The following PSMD9 variants were observed in gnomAD, a reference collection of about 807,000 sequenced individuals.
PSMD9 encodes 26S proteasome non-ATPase regulatory subunit 9.
In PSMD9, 26 loss-of-function variants were observed where a neutral mutation model predicts 25.9. That is an observed-to-expected ratio of 1.00 (90% confidence interval 0.73 to 1.39). PSMD9 has a LOEUF of 1.39. Among genes scored for constraint, PSMD9 ranks in the 40% most tolerant of loss-of-function variants. The pLI is 0.00. For synonymous variants in PSMD9, 110 were observed against 114.5 expected (o/e 0.96, Z 0.25); for missense variants, 303 against 299.3 (o/e 1.01, Z -0.09).
chr12:121,913,221 GGC>G (rs1565896127), intron 4 of PSMD9, among the ~76,000 whole-genome samples: 44 of 152,028 alleles, frequency 2.9e-4, no homozygotes, highest in Admixed American at 2.3e-3. Context: ...TGGGATTACA[GGC>G]GTGAGCCACC....
rs532639209 is a variant in PSMD9, at chr12:121,912,093, G to A, written c.556-3763G>A. On this transcript the variant is annotated intron_variant, in intron 4 of 5. Transcript: ENST00000541212. Reference sequence around the variant, plus strand: ...GGTTCTCTGTTGCCAAGGCTGGAGTGCAGTGGTGTGATCTTGGCTCACTGC... The same window carrying A: ...GGTTCTCTGTTGCCAAGGCTGGAGTACAGTGGTGTGATCTTGGCTCACTGC... Among the ~76,000 whole-genome samples the A allele has an allele frequency of 3.2e-4, 48 of 151,684 alleles. No individual in the cohort carries two copies. In the Middle Eastern group the frequency reaches 0.01, roughly 32 times the overall value.
intron 3 of PSMD9, 103 bp downstream of exon 3, chr12:121,899,948 T>C: frequency 7.7e-7 from 1 of 1,306,774 alleles, no homozygotes; most frequent in Non-Finnish European, 1.1e-6. Flanking sequence ...CGTGCTGCGG[T>C]GCTGAGTTCA....
chr12:121,915,324 CAAA>C (rs36112373), intron 4 of PSMD9: 27 of 133,428 alleles, frequency 2.0e-4, no homozygotes, highest in Non-Finnish European at 1.6e-4. Flanking sequence ...GACTGTGTCT[CAAA>C]AAAAAAAAAA....
At position 121,918,035 on chromosome 12, in the gene PSMD9, G is replaced by T. The variant is rs1311408685; in HGVS notation, c.*1724G>T. ...CCTGCAGGGGTCCCAGTGGAAACCC[G>T]TGTGGCCACCTGTTGCCGTCTTCCA... On this transcript the variant is annotated 3_prime_UTR_variant, in exon 6 of 6. Coordinates refer to ENST00000541212, the MANE Select transcript of PSMD9 (RefSeq NM_002813.7). The surrounding 1 kb of genome is among the most constrained non-coding windows in gnomAD (Gnocchi z 4.3). The T allele has an allele frequency of 6.6e-6, 1 of 152,184 alleles. No individual in the cohort carries two copies. Among genetic ancestry groups the T allele is most frequent in the South Asian group, 2.1e-4 (1 of 4,832 alleles). The allele number at this position is 152,184 out of a possible 1,614,324, so 9.4% of individuals were successfully genotyped here.
At chr12:121,905,764 T>A (rs1879537732) in intron 4 of PSMD9, among the ~76,000 whole-genome samples, 1 of 151,568 alleles carries the variant, frequency 6.6e-6, no homozygotes, top group South Asian at 2.1e-4. Flanking sequence ...ACTCCTAACC[T>A]CAGGTGATCC....
At chr12:121,890,865 T>C (rs1270050392) in intron 1 of PSMD9, among the ~76,000 whole-genome samples, 1 of 152,092 alleles carries the variant, frequency 6.6e-6, no homozygotes, top group Admixed American at 6.6e-5. Flanking sequence ...GCTTTGCATG[T>C]TGATACGGCA....
chr12:121,902,099 T>C (rs993877722), intron 3 of PSMD9: 1 of 152,266 alleles, frequency 6.6e-6, no homozygotes, highest in African/African-American at 2.4e-5. Context: ...TTACGAAGCA[T>C]GTTGCTGCGA....
At chr12:121,915,534 T>C (rs1013686857) in intron 4 of PSMD9, 3 of 279,374 alleles carry the variant, frequency 1.1e-5, no homozygotes, top group Middle Eastern at 2.1e-3. Context: ...ATACTTTTTG[T>C]AGAGTGCTGG....
intron 4 of PSMD9, among the ~76,000 whole-genome samples, chr12:121,913,565 C>T (rs1440394138): frequency 2.0e-5 from 3 of 150,514 alleles, no homozygotes; most frequent in Non-Finnish European, 4.4e-5. Flanking sequence ...ATTCATGGCT[C>T]ACTGCAGCCT....
chr12:121,906,044 G>A (rs1879545341), intron 4 of PSMD9, among the ~76,000 whole-genome samples: 1 of 150,280 alleles, frequency 6.7e-6, no homozygotes, highest in South Asian at 2.1e-4. Flanking sequence ...TGAGACTTCT[G>A]TCTGTTGTGT....
chr12:121,892,517 G>A (rs1353695652), intron 1 of PSMD9, among the ~76,000 whole-genome samples: 4 of 152,068 alleles, frequency 2.6e-5, no homozygotes, highest in Admixed American at 6.6e-5. Flanking sequence ...TGGTTAACAC[G>A]GTGAAACCCC....
chr12:121,906,388 T>C (rs1428875663), intron 4 of PSMD9, among the ~76,000 whole-genome samples: 1 of 151,996 alleles, frequency 6.6e-6, no homozygotes, highest in East Asian at 1.9e-4. Context: ...AAAAAAACCT[T>C]GCATAGCACA....
intron 4 of PSMD9, among the ~76,000 whole-genome samples, 191 bp downstream of exon 4, chr12:121,903,298 T>C (rs992491594): frequency 2.0e-5 from 3 of 152,200 alleles, no homozygotes; most frequent in Admixed American, 1.3e-4. Flanking sequence ...GCCTTCTTGC[T>C]GTGTCCTCAC....
At chr12:121,909,863 G>A (rs535172421) in intron 4 of PSMD9, among the ~76,000 whole-genome samples, 2 of 152,190 alleles carry the variant, frequency 1.3e-5, no homozygotes, top group South Asian at 4.2e-4. Flanking sequence ...GTCCTTGCCT[G>A]TGGGAGAATT....
intron 4 of PSMD9, among the ~76,000 whole-genome samples, chr12:121,912,389 A>C (rs756673628): frequency 6.6e-6 from 1 of 151,998 alleles, no homozygotes; most frequent in Non-Finnish European, 1.5e-5. Flanking sequence ...GCACCGTTTC[A>C]CATTCCCACC....
intron 1 of PSMD9, 134 bp from the exon 2 acceptor site, chr12:121,894,605 G>A (rs1879177870): frequency 5.5e-6 from 4 of 720,772 alleles, no homozygotes; most frequent in Middle Eastern, 5.0e-4. Context: ...AGAGCCCCTG[G>A]TGTAAGTGAT....
chr12:121,895,653 G>A (rs539822400), intron 2 of PSMD9, among the ~76,000 whole-genome samples: 6 of 152,258 alleles, frequency 3.9e-5, no homozygotes, highest in African/African-American at 1.2e-4. Flanking sequence ...GCCAGCAGTC[G>A]CATTTCCCTC....
chr12:121,889,567 C>T (rs1592937646), intron 1 of PSMD9, among the ~76,000 whole-genome samples: 1 of 152,136 alleles, frequency 6.6e-6, no homozygotes, highest in South Asian at 2.1e-4. Context: ...ATATGAATTA[C>T]CTGGGGATCT....
At chr12:121,889,076 T>C in intron 1 of PSMD9, 82 bp downstream of exon 1, 1 of 1,502,608 alleles carries the variant, frequency 6.7e-7, no homozygotes, top group Non-Finnish European at 9.0e-7. Context: ...GCGGCCTCAG[T>C]TTGGGCGCTC....
Sources: gnomAD v4.1 joint callset for allele counts (sites outside exome capture counted in the v4.1 genomes callset) on GRCh38, gnomAD v4.1.1 for gene constraint, Gnocchi (gnomAD v3.1) non-coding constraint, MANE v1.5 for transcripts, NCBI Gene and HGNC (gene_info 2026-07-23, HGNC 2026-07-21) for gene names.